EIF2AK4: variants seen among roughly 807,000 people sequenced by gnomAD.
EIF2AK4 encodes the protein eukaryotic translation initiation factor 2 alpha kinase 4.
In EIF2AK4, 139 loss-of-function variants were observed where a neutral mutation model predicts 211.1. The ratio of observed to expected loss-of-function variants is 0.66; its 90% CI spans 0.57 to 0.76. The LOEUF (loss-of-function observed/expected upper bound fraction) is 0.76, where lower values mean the gene tolerates loss of function less well. Among genes scored for constraint, EIF2AK4 ranks in the 30% least tolerant of loss-of-function variants. The pLI, the probability that EIF2AK4 is intolerant of heterozygous loss-of-function variation, is 0.00. For missense variants in EIF2AK4, 1,664 were observed against 2,043.8 expected, an observed-to-expected ratio of 0.81 and a Z score of 3.58; for synonymous variants, 710 against 751.3, an observed-to-expected ratio of 0.94 and a Z score of 0.90.
chr15:39,935,331 C>T (rs1227546151), intron 1 of EIF2AK4, among the ~76,000 whole-genome samples: 1 of 151,164 alleles, frequency 6.6e-6, no homozygotes, highest in East Asian at 1.9e-4. Flanking sequence ...GTTCTAACTT[C>T]ATCTGCTTTT....
intron 9 of EIF2AK4, among the ~76,000 whole-genome samples, chr15:39,970,030 C>T (rs1387654481): frequency 6.6e-6 from 1 of 152,206 alleles, no homozygotes; most frequent in Admixed American, 6.5e-5. Context: ...GATAATAGCA[C>T]TGCCTACCTC....
intron 33 of EIF2AK4, among the ~76,000 whole-genome samples, chr15:40,027,889 CA>C (rs34237730): frequency 5.4e-5 from 7 of 129,940 alleles, no homozygotes; most frequent in Admixed American, 1.6e-4. Flanking sequence ...GACTCTGTCT[CA>C]AAAAAAAAAA....
At chr15:40,030,206 A>G (rs539244141) in intron 34 of EIF2AK4, among the ~76,000 whole-genome samples, 153 bp from the exon 35 acceptor site, 5 of 152,216 alleles carry the variant, frequency 3.3e-5, no homozygotes, top group African/African-American at 1.2e-4. Context: ...TCCGGTGCAG[A>G]TGGTTGTAGG....
chr15:40,016,487 C>A lies in EIF2AK4; in HGVS notation c.3760-15C>A. 6.2e-7 allele frequency: 1 copy of A among 1,613,850 alleles called. No homozygotes were observed. The highest frequency in any genetic ancestry group is 2.2e-5 in the East Asian group (1 of 44,878). ...GCTGTGGATGGGCAGCTGACTGTGCCCCTTTGCTTTCCAGCTGTGTCGACT... is the reference window on the plus strand; with the variant it reads ...GCTGTGGATGGGCAGCTGACTGTGCACCTTTGCTTTCCAGCTGTGTCGACT... On this transcript the variant is annotated splice_polypyrimidine_tract_variant and intron_variant, in intron 27 of 38. Transcript: ENST00000263791.
At chr15:39,952,167 T>TA (rs894383919) in intron 4 of EIF2AK4, among the ~76,000 whole-genome samples, 2 of 152,226 alleles carry the variant, frequency 1.3e-5, no homozygotes, top group African/African-American at 4.8e-5. Context: ...TTATTGATTT[T>TA]AAAAAATCTT....
chr15:39,982,624 G>T (rs2034807545), intron 13 of EIF2AK4, among the ~76,000 whole-genome samples: 1 of 86,764 alleles, frequency 1.2e-5, no homozygotes, highest in African/African-American at 4.5e-5. Context: ...GTACACATGT[G>T]CCATGGTGGT....
intron 6 of EIF2AK4, among the ~76,000 whole-genome samples, chr15:39,961,332 T>C (rs1430912458): frequency 6.6e-6 from 1 of 152,242 alleles, no homozygotes; most frequent in African/African-American, 2.4e-5. Context: ...CAATATGGGA[T>C]ACCTGTGGAA....
rs1355754312 is a variant in EIF2AK4 at position 40,017,141 on chromosome 15, C to A, written c.3964C>A (p.Gln1322Lys). ...CAATTTGGGCTTGGTTTACAAGGTG[C>A]AGCAGCACAATGGAATCATCTTCCA... ...LINLGLVYKVQQHNGIIFQFV... is the reference protein window; with the variant it reads ...LINLGLVYKVKQHNGIIFQFV... Residue 1322 changes from glutamine (Q) to lysine (K), a missense_variant, in exon 29 of 39, where the codon CAG (glutamine) becomes AAG (lysine). Around this residue, in one of 7 missense-constraint regions of EIF2AK4, gnomAD observed 622 missense variants for 796.8 expected, o/e 0.78. Transcript: ENST00000263791. The A allele has an allele frequency of 1.2e-6, 2 of 1,614,008 alleles. No homozygotes were observed. The highest frequency in any genetic ancestry group is 2.2e-5 in the South Asian group (2 of 91,074).
At chr15:39,975,603 G>GA (rs760778687) in intron 11 of EIF2AK4, among the ~76,000 whole-genome samples, 148 of 152,224 alleles carry the variant, frequency 9.7e-4, no homozygotes, top group Non-Finnish European at 1.2e-3. Flanking sequence ...ATTACATAGT[G>GA]AAACTGCCTG....
Position 40,017,503 on chromosome 15 carries a change from A to T in EIF2AK4, c.4065+261A>T, listed in dbSNP as rs4924406. Among the ~76,000 whole-genome samples, 4,033 of 9,884 alleles carry T rather than the reference A, an allele frequency of 0.41. 476 individuals are homozygous for T. Among genetic ancestry groups the T allele is most frequent in the East Asian group, 0.47 (92 of 196 alleles). 6.5% of individuals were successfully genotyped at this position (9,884 alleles called of 152,430 possible). On this transcript the variant is annotated intron_variant, in intron 29 of 38. Coordinates refer to ENST00000263791, the MANE Select transcript of EIF2AK4 (RefSeq NM_001013703.4). ...CTCATGTACCCTTTACTCTGTTTCT[A>T]TATATATATATATATATATATATAT... is the stretch of plus-strand genomic sequence containing the variant.
chr15:39,971,897 T>A (rs1022166224), intron 9 of EIF2AK4, among the ~76,000 whole-genome samples: 4 of 152,176 alleles, frequency 2.6e-5, no homozygotes, highest in African/African-American at 9.7e-5. Context: ...GTAGAATTTG[T>A]ATTTCTAACA....
At position 39,973,903 on chromosome 15, in the gene EIF2AK4, G is replaced by A; in HGVS notation, c.1818+154G>A. On this transcript the variant is annotated intron_variant, in intron 11 of 38. Transcript: ENST00000263791. ...TCATCCTCACCTTCCTGGAGTTAAA[G>A]GTTTTATTTAAGTTACGCTGGACAC... 5.1e-6 allele frequency: 4 copies of A among 788,084 alleles called. No individual in the cohort carries two copies. The East Asian group carries it at 1.1e-4, about 22-fold the overall frequency. The allele number at this position is 788,084 out of a possible 1,614,324, so 48.8% of individuals were successfully genotyped here.
rs2034566008 is a variant in EIF2AK4 at position 39,967,770 on chromosome 15, T to A, written c.1444T>A (p.Trp482Arg). 1 of 1,614,140 alleles carries A rather than the reference T, an allele frequency of 6.2e-7. No individual in the cohort carries two copies. The highest frequency in any genetic ancestry group is 8.5e-7 in the Non-Finnish European group (1 of 1,180,052). ...TAAAACGGGGAAGAAAGGAGATGTT[T>A]GGCGTCTTGGCCTTCTGCTGCTGTC... is the stretch of plus-strand genomic sequence containing the variant. ...PYKTGKKGDV[W>R]RLGLLLLSLS... Residue 482 changes from tryptophan (W) to arginine (R), a missense_variant, in exon 9 of 39, where the codon TGG becomes AGG. Coordinates refer to ENST00000263791, the MANE Select transcript of EIF2AK4 (RefSeq NM_001013703.4).
chr15:40,022,637 T>A (rs371892376), intron 32 of EIF2AK4, 32 bp downstream of exon 32: 1 of 1,601,244 alleles, frequency 6.2e-7, no homozygotes, highest in Non-Finnish European at 8.6e-7. Context: ...TACAATTCAA[T>A]AGTTAGGTGT....
At chr15:39,978,339 T>C (rs1265704340) in intron 13 of EIF2AK4, 192 bp downstream of exon 13, 3 of 330,308 alleles carry the variant, frequency 9.1e-6, no homozygotes, top group Non-Finnish European at 1.6e-5. Context: ...TTTATCCACA[T>C]AGTAAAACAT....
In EIF2AK4 at chr15:40,035,089, A is replaced by C. The variant is rs4594236; in HGVS notation, c.*5A>C. ...TACTACAGAATCTTATTTTAACCCT[A>C]AAGAACTGTCGTTAACCTCATTCAA... On this transcript the variant is annotated 3_prime_UTR_variant, in exon 39 of 39. Transcript: ENST00000263791. The C allele has an allele frequency of 6.4e-7, 1 of 1,569,060 alleles. No individual in the cohort carries two copies. The highest frequency in any genetic ancestry group is 8.7e-7 in the Non-Finnish European group (1 of 1,154,986).
chr15:40,024,517 A>G (rs891449044), intron 32 of EIF2AK4, among the ~76,000 whole-genome samples: 2 of 145,240 alleles, frequency 1.4e-5, no homozygotes, highest in African/African-American at 5.2e-5. Context: ...CTCCTACCTC[A>G]GCCTCCTGAG....
At chr15:39,971,962 G>A (rs1438841889) in intron 9 of EIF2AK4, among the ~76,000 whole-genome samples, 1 of 152,064 alleles carries the variant, frequency 6.6e-6, no homozygotes, top group Non-Finnish European at 1.5e-5. Flanking sequence ...AGAAGCCCTG[G>A]GTTAAAGGTA....
chr15:39,934,249 C>G lies in EIF2AK4; in HGVS notation c.54C>G (p.Ser18Arg). The change falls in exon 1 of 39, where the codon AGC becomes AGG. Residue 18 changes from serine (S) to arginine (R), a missense_variant. Ser to Arg is a moderately radical substitution (Grantham distance 110, BLOSUM62 -1). Transcript: ENST00000263791. Reference protein sequence around the residue: ...PGRGRDEPPESYPQRQDHELQ... With the variant: ...PGRGRDEPPERYPQRQDHELQ... ...GCGGCCGGGACGAGCCTCCGGAGAG[C>G]TACCCGCAACGACAGGACCACGAGC... 6.2e-7 allele frequency: 1 copy of G among 1,609,454 alleles called. No individual in the cohort carries two copies. Among genetic ancestry groups the G allele is most frequent in the Non-Finnish European group, 8.5e-7 (1 of 1,178,266 alleles).
Sources: gnomAD v4.1 joint callset for allele counts (sites outside exome capture counted in the v4.1 genomes callset) on GRCh38, gnomAD v4.1.1 for gene constraint, gnomAD v4.1.1 regional missense constraint, MANE v1.5 for transcripts, NCBI Gene and HGNC (gene_info 2026-07-23, HGNC 2026-07-21) for gene names.